MAP3K3: variants seen among roughly 807,000 people sequenced by gnomAD.
MAP3K3 encodes the protein mitogen-activated protein kinase kinase kinase 3, also known as MAP/ERK kinase kinase 3.
MAP3K3 carries 12 observed loss-of-function variants against 80.9 expected under a neutral mutation model. The observed-to-expected ratio is 0.15, with a 90% CI of 0.10 to 0.24. The LOEUF is 0.24. Ranked by LOEUF, MAP3K3 falls within the 10% of genes least tolerant of loss-of-function variation. MAP3K3 has a pLI of 1.00. For missense variants in MAP3K3, 596 were observed against 834.7 expected, an observed-to-expected ratio of 0.71 and a Z score of 3.52; for synonymous variants, 272 against 307.1, an observed-to-expected ratio of 0.89 and a Z score of 1.19.
At position 63,691,789 on chromosome 17, in the gene MAP3K3, A is replaced by C. The variant is rs762270961; in HGVS notation, c.1401A>C (p.Arg467=). 6.2e-7 allele frequency: 1 copy of C among 1,614,106 alleles called. No individual in the cohort carries two copies. The highest frequency in any genetic ancestry group is 8.5e-7 in the Non-Finnish European group (1 of 1,180,002). Residue 467 remains arginine, a synonymous_variant, in exon 14 of 16, where the codon CGA becomes CGC. Coordinates refer to ENST00000361733, the MANE Select transcript of MAP3K3 (RefSeq NM_002401.5). This position sits in a 1 kb window ranked among gnomAD's most constrained non-coding sequence, Gnocchi z 4.8. ...AYGALTESVT[R]KYTRQILEGM... is the part of the protein sequence containing the mutation. ...GTGCTCTGACAGAGAGCGTGACCCGAAAGTACACGCGGCAGATCCTGGAGG... is the reference window on the plus strand; with the variant it reads ...GTGCTCTGACAGAGAGCGTGACCCGCAAGTACACGCGGCAGATCCTGGAGG...
At chr17:63,662,819 G>A (rs962717888) in intron 5 of MAP3K3, among the ~76,000 whole-genome samples, 11 of 149,722 alleles carry the variant, frequency 7.3e-5, no homozygotes, top group Non-Finnish European at 1.6e-4. Flanking sequence ...CACTACGCCC[G>A]GTTAATTTTT....
Position 63,681,848 on chromosome 17 carries a change from C to T in MAP3K3, c.585C>T (p.Tyr195=). Residue 195 remains tyrosine, a synonymous_variant, in exon 7 of 16, where the codon TAC becomes TAT. Transcript: ENST00000361733. ...AGCACATTGCCCGGCAGGGGTCCTA[C>T]ACCAGCATCAACAGTGAGGGGGAGT... ...RQQHIARQGS[Y]TSINSEGEFI... The T allele has an allele frequency of 6.5e-7, 1 of 1,549,260 alleles. No individual in the cohort carries two copies. Among genetic ancestry groups the T allele is most frequent in the East Asian group, 2.4e-5 (1 of 41,290 alleles).
intron 6 of MAP3K3, among the ~76,000 whole-genome samples, chr17:63,668,647 G>A (rs1349446048): frequency 6.6e-6 from 1 of 152,180 alleles, no homozygotes; most frequent in Non-Finnish European, 1.5e-5. Flanking sequence ...GGAGGCAGGG[G>A]CTAAATACTT....
chr17:63,634,917 TG>T (rs2034291939), intron 2 of MAP3K3: 2 of 878,312 alleles, frequency 2.3e-6, no homozygotes, highest in East Asian at 5.0e-5. Flanking sequence ...TAAAAAGCAT[TG>T]GTTACCCGTG....
At chr17:63,666,685 T>G (rs2035005683) in intron 5 of MAP3K3, among the ~76,000 whole-genome samples, 1 of 152,254 alleles carries the variant, frequency 6.6e-6, no homozygotes, top group Non-Finnish European at 1.5e-5. Flanking sequence ...CCTCCATGTC[T>G]GGATCATCAC....
chr17:63,622,528 G>A lies in MAP3K3; in HGVS notation c.-232G>A, dbSNP rs532438976. On this transcript the variant is annotated 5_prime_UTR_variant, in exon 1 of 16. Coordinates refer to ENST00000361733, the MANE Select transcript of MAP3K3 (RefSeq NM_002401.5). ...GGCGCCGCCGAGGCCGGGCTGGGCC[G>A]AGCCCAGGAGCGCCCGGGATGTAGC... The A allele has an allele frequency of 0.012, 1,768 of 152,612 alleles. 32 individuals carry two copies. The highest frequency in any genetic ancestry group is 0.041 in the African/African-American group (1,693 of 41,330). The allele number at this position is 152,612 out of a possible 1,614,324, so 9.5% of individuals were successfully genotyped here.
intron 5 of MAP3K3, among the ~76,000 whole-genome samples, chr17:63,662,650 A>ATTTTTTTTTT (rs1192833142): frequency 6.1e-5 from 5 of 82,566 alleles, no homozygotes; most frequent in Non-Finnish European, 1.1e-4. Context: ...AGAAGAGGGA[A>ATTTTTTTTTT]TTTTTTTTTT....
intron 5 of MAP3K3, among the ~76,000 whole-genome samples, chr17:63,663,970 C>T (rs536007253): frequency 5.4e-5 from 8 of 149,146 alleles, no homozygotes; most frequent in South Asian, 4.2e-4. Context: ...AGGCCGGGCG[C>T]GGTGGCTCAC....
At chr17:63,666,182 C>T (rs779869293) in intron 5 of MAP3K3, among the ~76,000 whole-genome samples, 5 of 152,130 alleles carry the variant, frequency 3.3e-5, no homozygotes, top group Admixed American at 6.5e-5. Flanking sequence ...TGACCCTCCT[C>T]TCAGGCCCTT....
intron 1 of MAP3K3, among the ~76,000 whole-genome samples, chr17:63,630,915 ACTTTGTC>A (rs1235077559): frequency 2.0e-5 from 3 of 152,120 alleles, no homozygotes. Context: ...TTTATAGGCA[ACTTTGTC>A]CTTTTCTGTA....
intron 3 of MAP3K3, among the ~76,000 whole-genome samples, chr17:63,649,601 G>T (rs2034609969): frequency 6.6e-6 from 1 of 152,156 alleles, no homozygotes; most frequent in South Asian, 2.1e-4. Context: ...TAGAGACAGG[G>T]TTTGCCATTT....
chr17:63,632,984 T>C (rs1024921942), intron 2 of MAP3K3, among the ~76,000 whole-genome samples, 182 bp downstream of exon 2: 5 of 152,172 alleles, frequency 3.3e-5, no homozygotes, highest in Non-Finnish European at 2.9e-5. Context: ...GTAAGTGATA[T>C]TGGGAGGCCG....
chr17:63,631,078 G>C (rs2034206116), intron 1 of MAP3K3, among the ~76,000 whole-genome samples: 1 of 152,174 alleles, frequency 6.6e-6, no homozygotes, highest in African/African-American at 2.4e-5. Context: ...CTTGAGCTCA[G>C]GTGTTTGAAA....
chr17:63,634,818 C>T, intron 2 of MAP3K3: 1 of 1,592,390 alleles, frequency 6.3e-7, no homozygotes. Flanking sequence ...ATCCAGATTA[C>T]CTGTTAAAGC....
At chr17:63,686,109 C>T (rs1336788645) in intron 8 of MAP3K3, among the ~76,000 whole-genome samples, 1 of 152,128 alleles carries the variant, frequency 6.6e-6, no homozygotes, top group Non-Finnish European at 1.5e-5. Context: ...CTTTACATAC[C>T]AAATCGCAAG....
At chr17:63,650,658 T>TAG (rs61412799) in intron 3 of MAP3K3, among the ~76,000 whole-genome samples, 10,389 of 117,088 alleles carry the variant, frequency 0.089, 502 homozygotes, top group Admixed American at 0.13. Flanking sequence ...CTGTCTCTTA[T>TAG]AGAGAGAGAG....
chr17:63,665,218 T>C (rs2034976125), intron 5 of MAP3K3, among the ~76,000 whole-genome samples: 1 of 151,614 alleles, frequency 6.6e-6, no homozygotes, highest in African/African-American at 2.4e-5. Context: ...CAGGCTGGAG[T>C]ACAGTGGTGC....
chr17:63,659,379 C>T (rs1166697545), intron 5 of MAP3K3, among the ~76,000 whole-genome samples: 1 of 152,084 alleles, frequency 6.6e-6, no homozygotes, highest in African/African-American at 2.4e-5. Context: ...AACTTCCTCA[C>T]CTAGACTTTA....
At chr17:63,655,282 C>A (rs1455922183) in intron 4 of MAP3K3, among the ~76,000 whole-genome samples, 1 of 152,024 alleles carries the variant, frequency 6.6e-6, no homozygotes, top group Non-Finnish European at 1.5e-5. Flanking sequence ...ATGGGATAAC[C>A]ACCCCCGTGA....
Sources: allele counts gnomAD v4.1 joint callset (sites outside exome capture counted in the v4.1 genomes callset), GRCh38; gene constraint gnomAD v4.1.1; non-coding constraint Gnocchi (gnomAD v3.1); transcripts MANE v1.5; gene names NCBI Gene and HGNC (gene_info 2026-07-23, HGNC 2026-07-21).